The following RAB2A variants were observed in gnomAD, a reference collection of about 807,000 sequenced individuals.
RAB2A encodes ras-related protein Rab-2A.
A neutral mutation model predicts 32.5 loss-of-function variants in RAB2A; 7 were observed. That is an observed-to-expected ratio of 0.22 (90% CI 0.12 to 0.40). RAB2A has a LOEUF of 0.40. Ranked by LOEUF, RAB2A falls within the 10% of genes least tolerant of loss-of-function variation. The pLI, the probability that RAB2A is intolerant of heterozygous loss-of-function variation, is 1.00. For missense variants in RAB2A, 108 were observed against 260.7 expected, an observed-to-expected ratio of 0.41 and a Z score of 4.03; for synonymous variants, 79 against 85.2, an observed-to-expected ratio of 0.93 and a Z score of 0.40.
At chr8:60,538,976 G>A (rs1025986362) in intron 1 of RAB2A, among the ~76,000 whole-genome samples, 5 of 152,190 alleles carry the variant, frequency 3.3e-5, no homozygotes, top group Admixed American at 6.5e-5. Flanking sequence ...ATTCTCTAGC[G>A]TCATTTCCCC....
intron 2 of RAB2A, among the ~76,000 whole-genome samples, chr8:60,561,857 GCTATT>G (rs1215490636): frequency 6.6e-6 from 1 of 152,116 alleles, no homozygotes; most frequent in East Asian, 1.9e-4. Context: ...CTCACACCTA[GCTATT>G]CTATTTAGTC....
At chr8:60,517,281 G>A (rs1430353500) in intron 1 of RAB2A, 28 bp downstream of exon 1, 1 of 1,476,012 alleles carries the variant, frequency 6.8e-7, no homozygotes, top group Admixed American at 2.5e-5. Flanking sequence ...GGCCGGGCGG[G>A]TGTCGGCGGC....
intron 2 of RAB2A, chr8:60,570,049 T>C: frequency 2.2e-6 from 1 of 456,182 alleles, no homozygotes; most frequent in South Asian, 1.5e-5. Context: ...TCGGATGGAA[T>C]GGTCACAGGT....
At chr8:60,569,485 C>T (rs1364645991) in intron 2 of RAB2A, among the ~76,000 whole-genome samples, 2 of 152,056 alleles carry the variant, frequency 1.3e-5, no homozygotes, top group Admixed American at 1.3e-4. Flanking sequence ...AGCTTCATAA[C>T]TTCTGTCTGC....
chr8:60,597,826 A>C (rs1405960801), intron 6 of RAB2A, among the ~76,000 whole-genome samples: 1 of 152,224 alleles, frequency 6.6e-6, no homozygotes, highest in African/African-American at 2.4e-5. Context: ...GCAAGTTACC[A>C]ATTATCAGTA....
In RAB2A at chr8:60,584,190, C is replaced by T. The variant is rs115361016; in HGVS notation, c.187-18C>T. 1.4e-3 allele frequency: 2,216 copies of T among 1,563,776 alleles called. 29 individuals are homozygous for T. The African/African-American group carries it at 0.026, about 18-fold the overall frequency. On this transcript the variant is annotated intron_variant, in intron 3 of 7. Transcript: ENST00000262646. The stretch of plus-strand genomic sequence containing the variant: ...CATTGTATTAAAGGAAACTCTCCAA[C>T]CTTTTTTTTCGTTACAGGCAGGGCA...
intron 6 of RAB2A, among the ~76,000 whole-genome samples, chr8:60,605,317 A>C (rs1311820084): frequency 6.6e-6 from 1 of 152,218 alleles, no homozygotes; most frequent in African/African-American, 2.4e-5. Context: ...GCAGAAGCCT[A>C]CTGCAGGGGT....
intron 6 of RAB2A, among the ~76,000 whole-genome samples, chr8:60,607,151 C>T (rs191023086): frequency 0.011 from 1,619 of 145,536 alleles, 37 homozygotes; most frequent in African/African-American, 0.038. Flanking sequence ...TTTTTTGGGC[C>T]GGGCACAGTG....
intron 1 of RAB2A, among the ~76,000 whole-genome samples, chr8:60,542,620 C>T (rs1807664409): frequency 6.6e-6 from 1 of 152,186 alleles, no homozygotes; most frequent in Non-Finnish European, 1.5e-5. Flanking sequence ...CTCATTTACT[C>T]ATTTTTGTGA....
chr8:60,545,571 C>A (rs1807714771), intron 1 of RAB2A, among the ~76,000 whole-genome samples: 1 of 152,184 alleles, frequency 6.6e-6, no homozygotes, highest in Non-Finnish European at 1.5e-5. Context: ...TGAGCCATCA[C>A]ACCCGGCAAG....
intron 3 of RAB2A, among the ~76,000 whole-genome samples, chr8:60,577,978 G>A (rs1803672396): frequency 6.6e-6 from 1 of 151,952 alleles, no homozygotes; most frequent in Non-Finnish European, 1.5e-5. Flanking sequence ...TTTAAGTAAA[G>A]TACCTGAGAT....
intron 6 of RAB2A, among the ~76,000 whole-genome samples, chr8:60,613,673 TAC>T (rs1483317505): frequency 6.6e-6 from 1 of 152,204 alleles, no homozygotes; most frequent in Non-Finnish European, 1.5e-5. Context: ...ATCCCACAAA[TAC>T]AGATTTTCTT....
rs1449037202 is a variant in RAB2A, at chr8:60,537,866, G to A, written c.46+20613G>A. Among the ~76,000 whole-genome samples the A allele has an allele frequency of 2.0e-5, 3 of 151,972 alleles. No homozygotes were observed. In the East Asian group the frequency reaches 5.8e-4, roughly 29 times the overall value. Reference sequence around the variant, plus strand: ...TGGCTAATTTTTGATTTTTTGTAGAGACAGGATCTCACTAGGTGGCCCCAA... The same window carrying A: ...TGGCTAATTTTTGATTTTTTGTAGAAACAGGATCTCACTAGGTGGCCCCAA... On this transcript the variant is annotated intron_variant, in intron 1 of 7. Transcript: ENST00000262646.
intron 1 of RAB2A, among the ~76,000 whole-genome samples, chr8:60,541,627 T>C (rs950927110): frequency 6.6e-6 from 1 of 152,190 alleles, no homozygotes; most frequent in Non-Finnish European, 1.5e-5. Context: ...AGGCAGAGGT[T>C]GCAGTGAGCT....
chr8:60,595,962 A>G (rs559645434), intron 6 of RAB2A, among the ~76,000 whole-genome samples: 1 of 152,254 alleles, frequency 6.6e-6, no homozygotes, highest in African/African-American at 2.4e-5. Flanking sequence ...GAAACTAAAC[A>G]GTACGCTTCT....
chr8:60,537,170 C>A (rs1807570312), intron 1 of RAB2A, among the ~76,000 whole-genome samples: 1 of 152,034 alleles, frequency 6.6e-6, no homozygotes, highest in South Asian at 2.1e-4. Context: ...GCATATATAT[C>A]TCTAAAACAA....
chr8:60,605,227 G>T (rs371064952), intron 6 of RAB2A, among the ~76,000 whole-genome samples: 5 of 152,170 alleles, frequency 3.3e-5, no homozygotes, highest in East Asian at 3.8e-4. Flanking sequence ...TAAGCCTGTG[G>T]GTGCACAGAG....
intron 1 of RAB2A, among the ~76,000 whole-genome samples, chr8:60,519,118 T>C (rs1807260711): frequency 7.0e-6 from 1 of 142,164 alleles, no homozygotes; most frequent in South Asian, 2.4e-4. Context: ...TTGCTGCTGA[T>C]ACGACCTAGT....
At chr8:60,566,068 G>A (rs1398684549) in intron 2 of RAB2A, among the ~76,000 whole-genome samples, 2 of 152,126 alleles carry the variant, frequency 1.3e-5, no homozygotes, top group African/African-American at 4.8e-5. Context: ...TATGATCATT[G>A]TGAAAATGTT....
Sources: allele counts gnomAD v4.1 joint callset (sites outside exome capture counted in the v4.1 genomes callset), GRCh38; gene constraint gnomAD v4.1.1; transcripts MANE v1.5; gene names NCBI Gene and HGNC (gene_info 2026-07-23, HGNC 2026-07-21).